Variants in TNFRSF11A observed in about 807,000 individuals in gnomAD.
TNFRSF11A encodes TNF receptor superfamily member 11a.
A neutral mutation model predicts 55.7 loss-of-function variants in TNFRSF11A; 32 were observed. The observed-to-expected ratio is 0.57, with a 90% CI of 0.43 to 0.77. The LOEUF (loss-of-function observed/expected upper bound fraction) is 0.77, where lower values mean the gene tolerates loss of function less well. TNFRSF11A is among the 30% of genes least tolerant of loss of function. TNFRSF11A has a pLI of 0.00. For missense variants in TNFRSF11A, 753 were observed against 809.8 expected (o/e 0.93, Z 0.85); for synonymous variants, 311 against 331.0 (o/e 0.94, Z 0.65).
At chr18:62,358,031 A>G in intron 4 of TNFRSF11A, 2 of 563,378 alleles carry the variant, frequency 3.6e-6, no homozygotes, top group Admixed American at 3.1e-5. Context: ...GCGTGGTTCC[A>G]TAACTCACTG....
intron 1 of TNFRSF11A, among the ~76,000 whole-genome samples, chr18:62,342,374 C>G (rs2046324591): frequency 8.3e-6 from 1 of 120,280 alleles, no homozygotes; most frequent in African/African-American, 3.2e-5. Context: ...TGCACTCCAG[C>G]CTGGGTGACA....
Position 62,362,499 on chromosome 18 carries a change from A to AG in TNFRSF11A, c.730+706_730+707insG, listed in dbSNP as rs1909768957. Among the ~76,000 whole-genome samples the AG allele has an allele frequency of 1.3e-5, 2 of 150,646 alleles. 1 individual carries two copies. Among genetic ancestry groups the AG allele is most frequent in the South Asian group, 4.2e-4 (2 of 4,796 alleles). On this transcript the variant is annotated intron_variant, in intron 7 of 9. Transcript: ENST00000586569. ...GAGCAAAACTTCATCTCAAAAAAAA[A>AG]AAAAAAAAAAAAAAGAACCTTCGAT...
chr18:62,331,406 G>C (rs1390846653), intron 1 of TNFRSF11A, among the ~76,000 whole-genome samples: 1 of 152,110 alleles, frequency 6.6e-6, no homozygotes, highest in Non-Finnish European at 1.5e-5. Flanking sequence ...TTACGTTTAG[G>C]CTCTTGAATC....
chr18:62,372,895 GT>G (rs1207887609), intron 9 of TNFRSF11A: 2 of 152,118 alleles, frequency 1.3e-5, no homozygotes, highest in Admixed American at 1.3e-4. Flanking sequence ...ATACCTATTT[GT>G]TTTTCAATTA....
intron 1 of TNFRSF11A, among the ~76,000 whole-genome samples, chr18:62,341,698 T>C (rs2046311941): frequency 6.6e-6 from 1 of 152,158 alleles, no homozygotes; most frequent in African/African-American, 2.4e-5. Context: ...GGCAGAACCT[T>C]TGTGTTTGTG....
chr18:62,367,668 T>G (rs1307659273), intron 8 of TNFRSF11A, among the ~76,000 whole-genome samples: 1 of 152,156 alleles, frequency 6.6e-6, no homozygotes, highest in Non-Finnish European at 1.5e-5. Context: ...CCATAGTACA[T>G]GTATCGGAAT....
At chr18:62,351,203 G>A (rs1465482004) in intron 3 of TNFRSF11A, among the ~76,000 whole-genome samples, 3 of 151,746 alleles carry the variant, frequency 2.0e-5, no homozygotes, top group East Asian at 1.9e-4. Context: ...AGGTTTCACC[G>A]TGTTGGCCAG....
chr18:62,364,801 G>C (rs988647017), intron 7 of TNFRSF11A, among the ~76,000 whole-genome samples: 19 of 152,098 alleles, frequency 1.2e-4, no homozygotes, highest in African/African-American at 4.3e-4. Context: ...CTTCACAACA[G>C]CACCATGAGG....
chr18:62,363,040 G>C (rs1909808525), intron 7 of TNFRSF11A, among the ~76,000 whole-genome samples: 1 of 151,868 alleles, frequency 6.6e-6, no homozygotes, highest in African/African-American at 2.4e-5. Context: ...AATGGGGTTT[G>C]ACCATGTTGG....
chr18:62,357,377 T>A (rs1433700772), intron 4 of TNFRSF11A, among the ~76,000 whole-genome samples: 1 of 152,222 alleles, frequency 6.6e-6, no homozygotes, highest in Non-Finnish European at 1.5e-5. Flanking sequence ...ACATTTATTT[T>A]GACAGTGTAG....
In TNFRSF11A at chr18:62,349,349, T is replaced by C. The variant is rs186407828; in HGVS notation, c.158-463T>C. 1.8e-3 allele frequency among the ~76,000 whole-genome samples: 275 copies of C among 152,076 alleles called. 1 individual carries two copies. The highest frequency in any genetic ancestry group is 3.5e-3 in the Admixed American group (54 of 15,266). ...GTCACCTGCCACCACGCCTGGCTGA[T>C]TTTTGTATCTTTAGTAGAGACGAGA... On this transcript the variant is annotated intron_variant, in intron 2 of 9. Transcript: ENST00000586569.
intron 6 of TNFRSF11A, among the ~76,000 whole-genome samples, 193 bp downstream of exon 6, chr18:62,360,242 C>T (rs1909578237): frequency 6.6e-6 from 1 of 152,090 alleles, no homozygotes; most frequent in Non-Finnish European, 1.5e-5. Context: ...TAATTTTCTA[C>T]ACTGGATTGG....
intron 1 of TNFRSF11A, among the ~76,000 whole-genome samples, chr18:62,337,466 T>C (rs1305940983): frequency 6.6e-6 from 1 of 152,224 alleles, no homozygotes; most frequent in African/African-American, 2.4e-5. Flanking sequence ...TAATCAGTTA[T>C]GTGACCTTAT....
intron 7 of TNFRSF11A, among the ~76,000 whole-genome samples, chr18:62,362,047 T>C (rs1909726672): frequency 6.6e-6 from 1 of 152,224 alleles, no homozygotes; most frequent in South Asian, 2.1e-4. Flanking sequence ...GTAAGCTCTG[T>C]ATTTGAGTTG....
At chr18:62,338,846 GT>G (rs940482994) in intron 1 of TNFRSF11A, among the ~76,000 whole-genome samples, 1 of 152,112 alleles carries the variant, frequency 6.6e-6, no homozygotes, top group African/African-American at 2.4e-5. Flanking sequence ...TGGCCCCAAA[GT>G]TTTTTTAAAA....
intron 4 of TNFRSF11A, among the ~76,000 whole-genome samples, chr18:62,354,906 A>G (rs75718597): frequency 0.011 from 1,617 of 152,284 alleles, 18 homozygotes; most frequent in Non-Finnish European, 0.016. Flanking sequence ...TGGAAAAACC[A>G]TGCATCCCCC....
chr18:62,373,146 A>T (rs1191693368), intron 9 of TNFRSF11A, among the ~76,000 whole-genome samples: 1 of 152,170 alleles, frequency 6.6e-6, no homozygotes, highest in African/African-American at 2.4e-5. Context: ...CCCCAGCTCT[A>T]GGCAGCCACA....
At chr18:62,342,864 A>G (rs2145271850) in intron 1 of TNFRSF11A, among the ~76,000 whole-genome samples, 1 of 152,378 alleles carries the variant, frequency 6.6e-6, no homozygotes, top group Non-Finnish European at 1.5e-5. Context: ...ACTCTGATGT[A>G]TTAATTCTAC....
In TNFRSF11A at chr18:62,325,433, G is replaced by C; in HGVS notation, c.75+6G>C. On this transcript the variant is annotated splice_donor_region_variant and intron_variant, in intron 1 of 9. Coordinates refer to ENST00000586569, the MANE Select transcript of TNFRSF11A (RefSeq NM_003839.4). This position sits in a 1 kb window ranked among gnomAD's most constrained non-coding sequence, Gnocchi z 4.7. ...CGCTGCTCGCCCGGCTGCAGGTAAG[G>C]AGCGCCCGCGCCTGCCGGGCCGCGC... The C allele has an allele frequency of 7.9e-7, 1 of 1,260,324 alleles. No individual in the cohort carries two copies. The highest frequency in any genetic ancestry group is 1.8e-5 in the South Asian group (1 of 57,014). 78.1% of individuals were successfully genotyped at this position (1,260,324 alleles called of 1,614,324 possible). A position where few individuals can be genotyped will look rare whatever the true frequency, so the allele number is the denominator to read the frequency against.
Sources: allele counts gnomAD v4.1 joint callset (sites outside exome capture counted in the v4.1 genomes callset), GRCh38; gene constraint gnomAD v4.1.1; non-coding constraint Gnocchi (gnomAD v3.1); transcripts MANE v1.5; gene names NCBI Gene and HGNC (gene_info 2026-07-23, HGNC 2026-07-21).